CSMD1: variants seen among roughly 807,000 people sequenced by gnomAD.
The protein encoded by CSMD1 is CUB and sushi domain-containing protein 1.
A neutral mutation model predicts 417.5 loss-of-function variants in CSMD1; 213 were observed. The ratio of observed to expected loss-of-function variants is 0.51; its 90% CI spans 0.46 to 0.57. The LOEUF is 0.57. CSMD1 is among the 20% of genes least tolerant of loss of function. CSMD1 has a pLI of 0.00. For missense variants in CSMD1, 6,923 were observed against 4,529.7 expected, an observed-to-expected ratio of 1.53 and a Z score of -15.17; for synonymous variants, 2,862 against 1,736.8, an observed-to-expected ratio of 1.65 and a Z score of -16.11.
At chr8:3,779,719 C>A (rs1459757034) in intron 5 of CSMD1, among the ~76,000 whole-genome samples, 1 of 152,138 alleles carries the variant, frequency 6.6e-6, no homozygotes, top group East Asian at 1.9e-4. Context: ...TATTTTATAT[C>A]TGCAGAACAT....
chr8:4,233,501 G>T (rs941024305), intron 3 of CSMD1, among the ~76,000 whole-genome samples: 1 of 152,130 alleles, frequency 6.6e-6, no homozygotes, highest in Middle Eastern at 3.2e-3. Context: ...TCATGAACGG[G>T]ATTAGTGCCC....
At chr8:3,788,645 A>T (rs925968817) in intron 5 of CSMD1, among the ~76,000 whole-genome samples, 1 of 152,186 alleles carries the variant, frequency 6.6e-6, no homozygotes, top group Non-Finnish European at 1.5e-5. Context: ...GAGCCCTCTG[A>T]GGTAGATAAA....
intron 3 of CSMD1, among the ~76,000 whole-genome samples, chr8:4,199,734 T>C (rs1452033137): frequency 6.6e-6 from 1 of 152,190 alleles, no homozygotes; most frequent in African/African-American, 2.4e-5. Flanking sequence ...TCAGATGCTT[T>C]GATCCTCTTA....
At chr8:3,556,107 C>T (rs1489364643) in intron 10 of CSMD1, among the ~76,000 whole-genome samples, 2 of 152,026 alleles carry the variant, frequency 1.3e-5, no homozygotes, top group Admixed American at 1.3e-4. Flanking sequence ...ACATAAGACT[C>T]CTCACAAAAC....
rs890135747 is a variant in CSMD1, at chr8:4,080,144, T to G, written c.416-48045A>C. ...CACCCCCATAGGTACACCTGCTCAG[T>G]TTGCAATTTACAAGCCATGCATTTC... On this transcript the variant is annotated intron_variant, in intron 3 of 69. Coordinates refer to ENST00000635120, the MANE Select transcript of CSMD1 (RefSeq NM_033225.6). 4.6e-5 allele frequency among the ~76,000 whole-genome samples: 7 copies of G among 152,056 alleles called. No homozygotes were observed. The East Asian group carries it at 1.4e-3, about 29-fold the overall frequency.
At chr8:3,430,184 C>G (rs1411091313) in intron 12 of CSMD1, among the ~76,000 whole-genome samples, 1 of 152,116 alleles carries the variant, frequency 6.6e-6, no homozygotes, top group Non-Finnish European at 1.5e-5. Context: ...TCTAATATCT[C>G]ATCTTCCCTC....
intron 1 of CSMD1, among the ~76,000 whole-genome samples, chr8:4,828,704 A>G (rs897711875): frequency 7.9e-5 from 12 of 152,132 alleles, no homozygotes; most frequent in Non-Finnish European, 1.5e-4. Context: ...TCAACCTGGC[A>G]TGACTTAAAA....
At chr8:3,765,017 T>A (rs1798195767) in intron 5 of CSMD1, among the ~76,000 whole-genome samples, 1 of 152,124 alleles carries the variant, frequency 6.6e-6, no homozygotes, top group Non-Finnish European at 1.5e-5. Context: ...AGTTCTGGGA[T>A]TACAGGCATG....
intron 3 of CSMD1, among the ~76,000 whole-genome samples, chr8:4,300,773 G>C (rs930554868): frequency 4.6e-5 from 7 of 152,136 alleles, no homozygotes; most frequent in African/African-American, 1.7e-4. Context: ...CTATGGGTGA[G>C]AACATGCAGT....
intron 3 of CSMD1, among the ~76,000 whole-genome samples, chr8:4,237,477 T>C (rs1421792858): frequency 6.6e-6 from 1 of 152,112 alleles, no homozygotes; most frequent in Non-Finnish European, 1.5e-5. Context: ...AGGAATAAGG[T>C]AATATGGCTA....
At chr8:4,690,627 G>C (rs897381721) in intron 1 of CSMD1, among the ~76,000 whole-genome samples, 1 of 152,296 alleles carries the variant, frequency 6.6e-6, no homozygotes, top group African/African-American at 2.4e-5. Context: ...TGTGAATACA[G>C]TTATTCACAC....
chr8:4,986,108 A>C (rs565825003), intron 1 of CSMD1, among the ~76,000 whole-genome samples: 4 of 152,306 alleles, frequency 2.6e-5, no homozygotes, highest in African/African-American at 9.6e-5. Context: ...GTGGTGACTA[A>C]AATTGTTGAT....
intron 1 of CSMD1, among the ~76,000 whole-genome samples, chr8:4,718,354 T>C (rs1808826019): frequency 6.6e-6 from 1 of 152,142 alleles, no homozygotes; most frequent in African/African-American, 2.4e-5. Context: ...ATTGGTAAAA[T>C]TCACCTAAAT....
intron 10 of CSMD1, among the ~76,000 whole-genome samples, chr8:3,563,860 G>C (rs953693357): frequency 6.6e-6 from 1 of 152,144 alleles, no homozygotes; most frequent in African/African-American, 2.4e-5. Context: ...TCGCACTCCA[G>C]CCTAGGTGAC....
In CSMD1 at chr8:4,791,300, A is replaced by G. The variant is rs377703120; in HGVS notation, c.86-153742T>C. 1.4e-4 allele frequency among the ~76,000 whole-genome samples: 21 copies of G among 152,294 alleles called. No individual in the cohort carries two copies. The South Asian group carries it at 3.3e-3, about 24-fold the overall frequency. On this transcript the variant is annotated intron_variant, in intron 1 of 69. Transcript: ENST00000635120. ...CCTTCACGAAGGTGGGCCTCTTTCC[A>G]TACCAGGCTTTCTTACTACTTCTTG...
At chr8:3,797,380 A>T (rs900753415) in intron 5 of CSMD1, among the ~76,000 whole-genome samples, 4 of 152,156 alleles carry the variant, frequency 2.6e-5, no homozygotes, top group African/African-American at 7.2e-5. Flanking sequence ...GGATGCAGGC[A>T]TAAAACATTT....
At chr8:4,380,823 A>G (rs1803055226) in intron 3 of CSMD1, among the ~76,000 whole-genome samples, 1 of 152,350 alleles carries the variant, frequency 6.6e-6, no homozygotes, top group South Asian at 2.1e-4. Flanking sequence ...ACATTAATTT[A>G]GAATGTTTCT....
intron 5 of CSMD1, among the ~76,000 whole-genome samples, chr8:3,819,207 C>A (rs913142073): frequency 6.6e-6 from 1 of 152,116 alleles, no homozygotes; most frequent in African/African-American, 2.4e-5. Flanking sequence ...CCCAGGCTAA[C>A]ACTATGGACA....
At chr8:4,232,787 T>C (rs1471207868) in intron 3 of CSMD1, among the ~76,000 whole-genome samples, 4 of 152,212 alleles carry the variant, frequency 2.6e-5, no homozygotes, top group Non-Finnish European at 5.9e-5. Flanking sequence ...CGTTTGGAAA[T>C]GAATTGAATG....
Sources: allele counts gnomAD v4.1 joint callset (sites outside exome capture counted in the v4.1 genomes callset), GRCh38; gene constraint gnomAD v4.1.1; transcripts MANE v1.5; gene names NCBI Gene and HGNC (gene_info 2026-07-23, HGNC 2026-07-21).